IQSEC1: variants seen among roughly 807,000 people sequenced by gnomAD.
The protein encoded by IQSEC1 is IQ motif and Sec7 domain ArfGEF 1, also known as IQ motif and SEC7 domain-containing protein 1.
IQSEC1 carries 31 observed loss-of-function variants against 91.0 expected under a neutral mutation model. The observed-to-expected ratio is 0.34, with a 90% CI of 0.26 to 0.46. IQSEC1 has a LOEUF of 0.46. IQSEC1 is among the 20% of genes least tolerant of loss of function. The pLI, the probability that IQSEC1 is intolerant of heterozygous loss-of-function variation, is 1.00. For missense variants in IQSEC1, 1,388 were observed against 1,575.6 expected (o/e 0.88, Z 2.02); for synonymous variants, 699 against 662.6 (o/e 1.05, Z -0.84).
rs1044047313 is a variant in IQSEC1 at position 12,908,068 on chromosome 3, A to G, written c.2755+281T>C. Among the ~76,000 whole-genome samples the G allele has an allele frequency of 2.6e-5, 4 of 152,206 alleles. No individual in the cohort carries two copies. The highest frequency in any genetic ancestry group is 9.6e-5 in the African/African-American group (4 of 41,460). On this transcript the variant is annotated intron_variant, in intron 12 of 13. Transcript: ENST00000613206. The surrounding 1 kb of genome is among the most constrained non-coding windows in gnomAD (Gnocchi z 4.9). The stretch of plus-strand genomic sequence containing the variant: ...GACTTCCCAGATCAATAAACAAGTA[A>G]ATAAAACCCCTGGAAGAAGAAAGGG...
chr3:13,026,041 G>A (rs1703599089), intron 1 of IQSEC1, among the ~76,000 whole-genome samples: 1 of 152,232 alleles, frequency 6.6e-6, no homozygotes, highest in South Asian at 2.1e-4. Flanking sequence ...GCAGCTCCCA[G>A]GCTCCCACTG....
intron 1 of IQSEC1, among the ~76,000 whole-genome samples, chr3:13,200,933 C>T (rs1694233024): frequency 1.3e-5 from 2 of 152,192 alleles, no homozygotes; most frequent in South Asian, 4.1e-4. Context: ...AAAGCCGTAA[C>T]ATGCACCTGG....
At chr3:12,902,370 C>T (rs1043647696) in intron 13 of IQSEC1, among the ~76,000 whole-genome samples, 2 of 152,052 alleles carry the variant, frequency 1.3e-5, no homozygotes, top group Admixed American at 6.6e-5. Context: ...AAACATCCAA[C>T]AGCAAGTGTG....
intron 1 of IQSEC1, among the ~76,000 whole-genome samples, chr3:13,063,182 C>T (rs948128140): frequency 2.6e-5 from 4 of 152,234 alleles, no homozygotes; most frequent in African/African-American, 7.2e-5. Context: ...GGCTTCCCCA[C>T]TGCCCTGTTC....
intron 3 of IQSEC1, among the ~76,000 whole-genome samples, chr3:12,928,575 T>A (rs1198271382): frequency 6.6e-6 from 1 of 152,100 alleles, no homozygotes; most frequent in Non-Finnish European, 1.5e-5. Context: ...CTGGTGGGAA[T>A]CCCCTGCCAT....
At chr3:13,175,383 T>C (rs1395511041) in intron 1 of IQSEC1, among the ~76,000 whole-genome samples, 2 of 152,204 alleles carry the variant, frequency 1.3e-5, no homozygotes, top group African/African-American at 2.4e-5. Flanking sequence ...TGGGCCCAAG[T>C]TTCCTGGGCT....
intron 1 of IQSEC1, among the ~76,000 whole-genome samples, chr3:12,944,472 T>C (rs1312547232): frequency 6.6e-6 from 1 of 151,920 alleles, no homozygotes; most frequent in African/African-American, 2.4e-5. Context: ...ACCCCAGAGC[T>C]CACGCCTCTG....
At chr3:13,016,094 CA>C (rs113185964) in intron 1 of IQSEC1, among the ~76,000 whole-genome samples, 19,454 of 152,162 alleles carry the variant, frequency 0.13, 1,482 homozygotes, top group African/African-American at 0.22. Context: ...AAAGGGGACC[CA>C]GGGGTGGTGC....
intron 4 of IQSEC1, among the ~76,000 whole-genome samples, chr3:12,923,973 T>C (rs1696873710): frequency 6.6e-6 from 1 of 152,174 alleles, no homozygotes; most frequent in Admixed American, 6.5e-5. Flanking sequence ...CTCTCTGAAC[T>C]GAGAAGAGCT....
At chr3:12,995,416 G>A (rs1209368690) in intron 1 of IQSEC1, among the ~76,000 whole-genome samples, 1 of 152,260 alleles carries the variant, frequency 6.6e-6, no homozygotes, top group African/African-American at 2.4e-5. Flanking sequence ...GGCACAGACG[G>A]ATCAGAAGTG....
intron 1 of IQSEC1, among the ~76,000 whole-genome samples, chr3:13,203,863 G>A (rs1461189138): frequency 2.6e-5 from 4 of 152,196 alleles, no homozygotes; most frequent in Non-Finnish European, 5.9e-5. Context: ...TAACACGTGC[G>A]GGGCCCTGAG....
Position 13,259,258 on chromosome 3 carries a change from T to C in IQSEC1, c.272+23453A>G, listed in dbSNP as rs552122440. ...TGGACAAGAGGAAGTGCTCTGTAAA[T>C]AGTTGATGGGTGTTCTAATGAATGA... is the stretch of plus-strand genomic sequence containing the variant. On this transcript the variant is annotated intron_variant, in intron 1 of 15. Coordinates refer to the IQSEC1 transcript ENST00000648114. This position sits in a 1 kb window ranked among gnomAD's most constrained non-coding sequence, Gnocchi z 4.6. 2.0e-5 allele frequency among the ~76,000 whole-genome samples: 3 copies of C among 152,292 alleles called. No individual in the cohort carries two copies. In the East Asian group the frequency reaches 5.8e-4, roughly 29 times the overall value.
Position 12,900,097 on chromosome 3 carries a change from T to G in IQSEC1, c.*886A>C. On this transcript the variant is annotated 3_prime_UTR_variant, in exon 14 of 14. Transcript: ENST00000613206. ...TTGCTACTGTAGAGTGTACTGCAGTTTAGCTATTTGCTTACCTGAAATAAC... is the reference window on the plus strand; with the variant it reads ...TTGCTACTGTAGAGTGTACTGCAGTGTAGCTATTTGCTTACCTGAAATAAC... The G allele has an allele frequency of 5.1e-6, 5 of 980,838 alleles. No homozygotes were observed. The highest frequency in any genetic ancestry group is 6.1e-6 in the Non-Finnish European group (5 of 825,746). 60.8% of individuals were successfully genotyped at this position (980,838 alleles called of 1,614,324 possible).
At chr3:13,065,670 G>A (rs1705206947) in intron 1 of IQSEC1, among the ~76,000 whole-genome samples, 1 of 152,240 alleles carries the variant, frequency 6.6e-6, no homozygotes, top group Non-Finnish European at 1.5e-5. Context: ...GTGGAAAACA[G>A]TATGGCGGCT....
intron 1 of IQSEC1, among the ~76,000 whole-genome samples, chr3:12,998,578 G>C (rs1702305963): frequency 6.6e-6 from 1 of 152,084 alleles, no homozygotes; most frequent in African/African-American, 2.4e-5. Flanking sequence ...TTGAGGCCAA[G>C]AGTTCAAGAG....
At chr3:13,255,255 T>C (rs1242592658) in intron 1 of IQSEC1, among the ~76,000 whole-genome samples, 1 of 152,148 alleles carries the variant, frequency 6.6e-6, no homozygotes, top group South Asian at 2.1e-4. Flanking sequence ...GACCGGACAC[T>C]GGGCTTCGGT....
At chr3:12,932,065 T>C (rs910243073) in intron 3 of IQSEC1, among the ~76,000 whole-genome samples, 1 of 152,176 alleles carries the variant, frequency 6.6e-6, no homozygotes, top group African/African-American at 2.4e-5. Flanking sequence ...ACCTGTGACA[T>C]GGTCACCTGG....
At chr3:13,126,192 C>T (rs1706510836) in intron 2 of IQSEC1, among the ~76,000 whole-genome samples, 1 of 152,044 alleles carries the variant, frequency 6.6e-6, no homozygotes, top group African/African-American at 2.4e-5. Context: ...CAAACATTCT[C>T]TCATGCCTCT....
At chr3:13,129,468 T>C (rs1706570089) in intron 2 of IQSEC1, among the ~76,000 whole-genome samples, 1 of 152,178 alleles carries the variant, frequency 6.6e-6, no homozygotes, top group South Asian at 2.1e-4. Flanking sequence ...TTTTTCTGTT[T>C]TTCATTTCAT....
Sources: allele counts gnomAD v4.1 joint callset (sites outside exome capture counted in the v4.1 genomes callset), GRCh38; gene constraint gnomAD v4.1.1; non-coding constraint Gnocchi (gnomAD v3.1); transcripts MANE v1.5; gene names NCBI Gene and HGNC (gene_info 2026-07-23, HGNC 2026-07-21).